The following ELOVL7 variants were observed in gnomAD, a reference collection of about 807,000 sequenced individuals.
ELOVL7 encodes ELOVL fatty acid elongase 7.
A neutral mutation model predicts 35.7 loss-of-function variants in ELOVL7; 27 were observed. That is an observed-to-expected ratio of 0.76 (90% CI 0.56 to 1.04). ELOVL7 has a LOEUF of 1.04. Among genes scored for constraint, ELOVL7 ranks in the 50% least tolerant of loss-of-function variants. The probability of loss-of-function intolerance (pLI) is 0.00; values close to 1 mark genes in which losing one functional copy is unlikely to be tolerated. For synonymous variants in ELOVL7, 113 were observed against 114.6 expected (o/e 0.99, Z 0.09); for missense variants, 327 against 340.8 (o/e 0.96, Z 0.32).
intron 7 of ELOVL7, among the ~76,000 whole-genome samples, chr5:60,762,490 T>G (rs1055524558): frequency 6.6e-6 from 1 of 152,078 alleles, no homozygotes; most frequent in African/African-American, 2.4e-5. Context: ...ATTCAATATT[T>G]AAAAATTAGA....
At chr5:60,790,316 GAAGA>G (rs1468178247) in intron 2 of ELOVL7, among the ~76,000 whole-genome samples, 3 of 152,110 alleles carry the variant, frequency 2.0e-5, no homozygotes, top group Non-Finnish European at 4.4e-5. Context: ...TGAAGGAATG[GAAGA>G]AAGATTTTAT....
intron 1 of ELOVL7, among the ~76,000 whole-genome samples, chr5:60,814,051 CA>C (rs902157403): frequency 1.5e-4 from 23 of 152,272 alleles, no homozygotes; most frequent in African/African-American, 5.5e-4. Context: ...AAGGTGGCAA[CA>C]AGAACGAACT....
Position 60,761,892 on chromosome 5 carries a change from G to A in ELOVL7, c.499+2335C>T, listed in dbSNP as rs550659752. On this transcript the variant is annotated intron_variant, in intron 7 of 8. Transcript: ENST00000508821. ...TAAAGAAGAGGGCAAATGGGCCTGC[G>A]GCATATTCGATATTGAAGCCTGAGA... Among the ~76,000 whole-genome samples, 59 of 152,018 alleles carry A rather than the reference G, an allele frequency of 3.9e-4. 1 individual carries two copies. Among genetic ancestry groups the A allele is most frequent in the African/African-American group, 4.6e-4 (19 of 41,376 alleles).
chr5:60,813,037 T>C (rs1579899906), intron 1 of ELOVL7, among the ~76,000 whole-genome samples: 1 of 152,162 alleles, frequency 6.6e-6, no homozygotes, highest in Non-Finnish European at 1.5e-5. Context: ...GTCCATTTTC[T>C]CCAACTGCCA....
intron 1 of ELOVL7, among the ~76,000 whole-genome samples, chr5:60,827,003 A>T (rs1170354206): frequency 6.6e-6 from 1 of 152,192 alleles, no homozygotes; most frequent in Non-Finnish European, 1.5e-5. Flanking sequence ...AACAAATTAA[A>T]CATGAACACA....
intron 2 of ELOVL7, among the ~76,000 whole-genome samples, chr5:60,792,684 A>T (rs1744010141): frequency 6.6e-6 from 1 of 152,166 alleles, no homozygotes; most frequent in South Asian, 2.1e-4. Flanking sequence ...CCCATCTCTA[A>T]AAAAAATTGG....
chr5:60,774,190 CAAT>C (rs1014468377), intron 3 of ELOVL7, among the ~76,000 whole-genome samples: 7 of 152,052 alleles, frequency 4.6e-5, no homozygotes, highest in African/African-American at 1.2e-4. Flanking sequence ...ACAACAACAA[CAAT>C]GACAAAAAAG....
intron 1 of ELOVL7, among the ~76,000 whole-genome samples, chr5:60,824,427 G>A (rs949782179): frequency 1.2e-4 from 19 of 152,292 alleles, no homozygotes; most frequent in African/African-American, 4.6e-4. Context: ...AAGAACAAGA[G>A]ACAAAGAAGA....
At chr5:60,832,950 G>A (rs1746574024) in intron 1 of ELOVL7, among the ~76,000 whole-genome samples, 1 of 152,064 alleles carries the variant, frequency 6.6e-6, no homozygotes, top group South Asian at 2.1e-4. Context: ...ATAATACATG[G>A]GCCTCAGGAC....
chr5:60,790,684 G>C (rs116039295), intron 2 of ELOVL7, among the ~76,000 whole-genome samples: 305 of 151,910 alleles, frequency 2.0e-3, no homozygotes, highest in African/African-American at 7.1e-3. Flanking sequence ...GTGTAATGTG[G>C]GGTTGTGAGC....
Position 60,844,222 on chromosome 5 carries a change from C to T in ELOVL7, c.-148G>A, listed in dbSNP as rs1402971393. Reference sequence around the variant, plus strand: ...GGAGAGAGGGCGGCGACTGGCAGCGCGAGCGCGGAGCTCCTCACAGCGGCC... The same window carrying T: ...GGAGAGAGGGCGGCGACTGGCAGCGTGAGCGCGGAGCTCCTCACAGCGGCC... On this transcript the variant is annotated 5_prime_UTR_variant, in exon 1 of 9. Transcript: ENST00000508821. The T allele has an allele frequency of 1.3e-5, 2 of 152,234 alleles. No homozygotes were observed. The highest frequency in any genetic ancestry group is 2.9e-5 in the Non-Finnish European group (2 of 68,126). The allele number at this position is 152,234 out of a possible 1,614,324, so 9.4% of individuals were successfully genotyped here.
At chr5:60,805,223 T>C (rs1744855239) in intron 1 of ELOVL7, among the ~76,000 whole-genome samples, 1 of 152,212 alleles carries the variant, frequency 6.6e-6, no homozygotes, top group African/African-American at 2.4e-5. Flanking sequence ...CTGAAGTATA[T>C]GTTATAGGCC....
chr5:60,827,126 A>G (rs1050800814), intron 1 of ELOVL7, among the ~76,000 whole-genome samples: 3 of 152,232 alleles, frequency 2.0e-5, no homozygotes, highest in African/African-American at 7.2e-5. Context: ...TTTCCCAGGG[A>G]AAGTGTAGTT....
intron 3 of ELOVL7, among the ~76,000 whole-genome samples, chr5:60,777,310 A>G (rs1742966210): frequency 1.3e-5 from 2 of 152,100 alleles, no homozygotes; most frequent in Non-Finnish European, 2.9e-5. Flanking sequence ...TAATTATTAC[A>G]TATTGCATGC....
At chr5:60,774,115 T>A (rs1444383402) in intron 3 of ELOVL7, among the ~76,000 whole-genome samples, 2 of 152,056 alleles carry the variant, frequency 1.3e-5, no homozygotes, top group Non-Finnish European at 1.5e-5. Context: ...GAGGAGAGAT[T>A]CCTCCCTAAC....
In ELOVL7 at chr5:60,754,293, T is replaced by G; in HGVS notation, c.*331A>C. 1 of 215,010 alleles carries G rather than the reference T, an allele frequency of 4.7e-6. No homozygotes were observed. 13.3% of individuals were successfully genotyped at this position (215,010 alleles called of 1,614,324 possible). On this transcript the variant is annotated 3_prime_UTR_variant, in exon 9 of 9. Transcript: ENST00000508821. ...AAATACCTAATGATATTTTTCATCT[T>G]TATTGGACTTCTTTGAAGAGTACTG...
In ELOVL7 at chr5:60,777,115, G is replaced by C. The variant is rs900882290; in HGVS notation, c.65-5022C>G. 3.3e-5 allele frequency among the ~76,000 whole-genome samples: 5 copies of C among 151,896 alleles called. No individual in the cohort carries two copies. In the East Asian group the frequency reaches 7.7e-4, roughly 24 times the overall value. On this transcript the variant is annotated intron_variant, in intron 3 of 8. Transcript: ENST00000508821. ...GCTAGGAAGGGTACTAGGGGGGTTG[G>C]GGGGGAGGTGGGAATAGCTAATGGG...
chr5:60,825,956 G>A (rs1422323484), intron 1 of ELOVL7, among the ~76,000 whole-genome samples: 1 of 152,250 alleles, frequency 6.6e-6, no homozygotes, highest in African/African-American at 2.4e-5. Flanking sequence ...GTAGGGACAG[G>A]AATAGGGCAT....
At chr5:60,817,812 A>ATG (rs1215444061) in intron 1 of ELOVL7, among the ~76,000 whole-genome samples, 312 of 145,152 alleles carry the variant, frequency 2.1e-3, no homozygotes, top group African/African-American at 7.6e-3. Context: ...CACCATATAT[A>ATG]TGTGTGTGTG....
Sources: allele counts gnomAD v4.1 joint callset (sites outside exome capture counted in the v4.1 genomes callset), GRCh38; gene constraint gnomAD v4.1.1; transcripts MANE v1.5; gene names NCBI Gene and HGNC (gene_info 2026-07-23, HGNC 2026-07-21).